ANKRD26: variants seen among roughly 807,000 people sequenced by gnomAD.
ANKRD26 encodes ankyrin repeat domain 26.
A neutral mutation model predicts 208.7 loss-of-function variants in ANKRD26; 141 were observed. That is an observed-to-expected ratio of 0.68 (90% CI 0.59 to 0.78). The LOEUF (loss-of-function observed/expected upper bound fraction) is 0.78. Ranked by LOEUF, ANKRD26 falls within the 30% of genes least tolerant of loss-of-function variation. The pLI is 0.00. For missense variants in ANKRD26, 1,889 were observed against 1,938.7 expected (o/e 0.97, Z 0.48); for synonymous variants, 636 against 660.4 (o/e 0.96, Z 0.57).
downstream of ANKRD26, among the ~76,000 whole-genome samples, chr10:26,973,240 C>T (rs374976507): frequency 1.1e-4 from 17 of 152,192 alleles, no homozygotes; most frequent in East Asian, 1.2e-3. Flanking sequence ...ACTTTCTTTA[C>T]AAAACTCTAT....
chr10:27,058,920 T>C (rs1242387800), intron 15 of ANKRD26, among the ~76,000 whole-genome samples: 3 of 97,082 alleles, frequency 3.1e-5, no homozygotes, highest in Non-Finnish European at 8.7e-5. Flanking sequence ...TTTTGTTTTT[T>C]TGTTTTTTTT....
downstream of ANKRD26, among the ~76,000 whole-genome samples, chr10:26,969,368 G>A (rs559712522): frequency 9.8e-5 from 15 of 152,362 alleles, no homozygotes; most frequent in Non-Finnish European, 2.1e-4. Flanking sequence ...TTTGTGGCAA[G>A]GCTGGAGAGG....
chr10:27,064,881 A>G (rs2055185255), intron 11 of ANKRD26, among the ~76,000 whole-genome samples: 1 of 152,232 alleles, frequency 6.6e-6, no homozygotes, highest in Non-Finnish European at 1.5e-5. Context: ...ACATTTATGT[A>G]TTAAGCATGT....
At chr10:26,970,597 G>A (rs567875461), downstream of ANKRD26, among the ~76,000 whole-genome samples, 1 of 152,118 alleles carries the variant, frequency 6.6e-6, no homozygotes, top group Non-Finnish European at 1.5e-5. Context: ...ACCATGAGCC[G>A]ATTAAACCTC....
intron 2 of ANKRD26, 50 bp downstream of exon 2, chr10:27,093,635 T>A: frequency 6.3e-7 from 1 of 1,596,836 alleles, no homozygotes; most frequent in Non-Finnish European, 8.6e-7. Context: ...TTTCATTCTA[T>A]GTATTTAAGT....
intron 32 of ANKRD26, among the ~76,000 whole-genome samples, chr10:27,007,432 T>C (rs760229465): frequency 6.6e-6 from 1 of 152,148 alleles, no homozygotes; most frequent in Non-Finnish European, 1.5e-5. Flanking sequence ...GACAGGCAGA[T>C]TGCCTGAGCT....
In ANKRD26 at chr10:27,029,306, C is replaced by T. The variant is rs1484082964; in HGVS notation, c.3858G>A (p.Lys1286=). ...TTTACTTTTGCTTGTGATCTTGCAT[C>T]TTCTCAGCACATCTGACAGCTTCTG... The part of the protein sequence containing the change: ...RHTEAVRCAE[K]MQDHKQKLEK... The change falls in exon 26 of 34, where the codon AAG becomes AAA. Residue 1286 remains lysine, a synonymous_variant. Transcript: ENST00000376087. 3 of 1,612,514 alleles carry T rather than the reference C, an allele frequency of 1.9e-6. No homozygotes were observed. Among genetic ancestry groups the T allele is most frequent in the Non-Finnish European group, 2.5e-6 (3 of 1,179,184 alleles).
At chr10:27,033,540 T>C (rs762146090) in intron 24 of ANKRD26, among the ~76,000 whole-genome samples, 163 bp from the exon 25 acceptor site, 1 of 152,214 alleles carries the variant, frequency 6.6e-6, no homozygotes, top group Non-Finnish European at 1.5e-5. Flanking sequence ...CATTGCTGTT[T>C]ATTACTGAAT....
chr10:27,013,104 A>C lies in ANKRD26; in HGVS notation c.4731T>G (p.Asn1577Lys). Residue 1577 changes from asparagine (N) to lysine (K), a missense_variant, in exon 32 of 34, where the codon AAT becomes AAG. Physicochemically the swap from Asn to Lys is moderately conservative, Grantham distance 94. Around this residue, in one of 3 missense-constraint regions of ANKRD26, gnomAD observed 613 missense variants for 648.2 expected, o/e 0.95. Transcript: ENST00000376087. Reference protein sequence around the residue: ...KSLSSKLTKTNERLAEVNTKL... With the variant: ...KSLSSKLTKTKERLAEVNTKL... ...TGGTGTTGACCTCTGCTAGCCTCTC[A>C]TTAGTTCTGTGAAGATTGCAGAAGA... 2 of 1,613,628 alleles carry C rather than the reference A, an allele frequency of 1.2e-6. No homozygotes were observed. Among genetic ancestry groups the C allele is most frequent in the Non-Finnish European group, 8.5e-7 (1 of 1,179,680 alleles).
In ANKRD26 at chr10:27,033,234, G is replaced by T; in HGVS notation, c.3798C>A (p.Ile1266=). The part of the protein sequence containing the change: ...TQDLKKKLGQ[I]RNQLQEAQDR... ...TAAATTTCATACATACTTGATTTCTGATTTGACCTAATTTCTTCTTTAAAT... is the reference window on the plus strand; with the variant it reads ...TAAATTTCATACATACTTGATTTCTTATTTGACCTAATTTCTTCTTTAAAT... Residue 1266 remains isoleucine (I), a synonymous_variant, in exon 25 of 34, where the codon ATC becomes ATA. Coordinates refer to ENST00000376087, the MANE Select transcript of ANKRD26 (RefSeq NM_014915.3). The T allele has an allele frequency of 6.2e-7, 1 of 1,609,654 alleles. No individual in the cohort carries two copies. Among genetic ancestry groups the T allele is most frequent in the Non-Finnish European group, 8.5e-7 (1 of 1,176,820 alleles).
chr10:26,998,890 C>T (rs975950897), intron 4 of ANKRD26, among the ~76,000 whole-genome samples: 12 of 151,912 alleles, frequency 7.9e-5, no homozygotes, highest in East Asian at 1.9e-4. Flanking sequence ...GAATGGAGCA[C>T]GCAGGAGGAG....
chr10:26,951,488 T>C, the ANKRD26 span, among the ~76,000 whole-genome samples: 3 of 152,348 alleles, frequency 2.0e-5, no homozygotes, highest in Admixed American at 6.5e-5. Flanking sequence ...TAAAAATATT[T>C]TAGTTCTTGT....
At position 27,035,332 on chromosome 10, in the gene ANKRD26, C is replaced by G. The variant is rs769022656; in HGVS notation, c.3118G>C (p.Glu1040Gln). ...LELAFQRARD[E>Q]CSRLQDKMNF... Reference sequence around the variant, plus strand: ...ATTTTGTCCTGTAAACGAGAACATTCATCTCTTGCTCTCTGGAAAGCAAGT... The same window carrying G: ...ATTTTGTCCTGTAAACGAGAACATTGATCTCTTGCTCTCTGGAAAGCAAGT... Residue 1040 changes from glutamate to glutamine, a missense_variant, in exon 24 of 34, where the codon GAA becomes CAA. By Grantham distance (29) the Glu-to-Gln change is conservative (BLOSUM62 2). Transcript: ENST00000376087. The G allele has an allele frequency of 6.2e-7, 1 of 1,613,926 alleles. No individual in the cohort carries two copies. Among genetic ancestry groups the G allele is most frequent in the Non-Finnish European group, 8.5e-7 (1 of 1,179,920 alleles).
intron 12 of ANKRD26, among the ~76,000 whole-genome samples, chr10:27,063,013 C>T (rs771191161): frequency 6.6e-6 from 1 of 152,118 alleles, no homozygotes; most frequent in Non-Finnish European, 1.5e-5. Context: ...GGTGATCTAC[C>T]TTCCAAAGTG....
intron 12 of ANKRD26, 72 bp downstream of exon 12, chr10:27,063,916 A>C: frequency 8.1e-7 from 1 of 1,232,866 alleles, no homozygotes; most frequent in South Asian, 1.2e-5. Context: ...GGCTATTAGA[A>C]TATATCAACA....
intron 4 of ANKRD26, among the ~76,000 whole-genome samples, chr10:27,087,572 T>C (rs2056164838): frequency 1.3e-5 from 2 of 152,218 alleles, no homozygotes; most frequent in South Asian, 4.1e-4. Flanking sequence ...CTGAATTCAC[T>C]TATAAATATA....
chr10:26,964,551 A>G, the ANKRD26 span, among the ~76,000 whole-genome samples: 211 of 152,322 alleles, frequency 1.4e-3, 1 homozygote, highest in Middle Eastern at 0.017. Flanking sequence ...AAACCCAGTG[A>G]GAAGAAATAG....
chr10:27,089,661 A>T (rs2056234332), intron 4 of ANKRD26, among the ~76,000 whole-genome samples: 1 of 152,158 alleles, frequency 6.6e-6, no homozygotes, highest in African/African-American at 2.4e-5. Flanking sequence ...GCATGGTGGT[A>T]TGTGCTTGTA....
chr10:27,033,818 C>T (rs1435462628), intron 24 of ANKRD26, among the ~76,000 whole-genome samples: 1 of 152,166 alleles, frequency 6.6e-6, no homozygotes, highest in African/African-American at 2.4e-5. Context: ...AGATTCCTAT[C>T]TCAGAATACA....
Sources: allele counts gnomAD v4.1 joint callset (sites outside exome capture counted in the v4.1 genomes callset), GRCh38; gene constraint gnomAD v4.1.1; regional missense constraint gnomAD v4.1.1; transcripts MANE v1.5; gene names NCBI Gene and HGNC (gene_info 2026-07-23, HGNC 2026-07-21).